Variants in EML4 observed in about 807,000 individuals in gnomAD.
The protein encoded by EML4 is EMAP like 4.
In EML4, 72 loss-of-function variants were observed where a neutral mutation model predicts 129.0. The observed-to-expected ratio is 0.56, with a 90% CI of 0.46 to 0.68. EML4 has a LOEUF of 0.68. EML4 is among the 30% of genes least tolerant of loss of function. The pLI is 0.00. For missense variants in EML4, 1,363 were observed against 1,190.6 expected (o/e 1.14, Z -2.13); for synonymous variants, 532 against 405.0 (o/e 1.31, Z -3.77).
At chr2:42,241,354 T>C (rs997022393) in intron 1 of EML4, among the ~76,000 whole-genome samples, 1 of 152,190 alleles carries the variant, frequency 6.6e-6, no homozygotes, top group African/African-American at 2.4e-5. Context: ...TTGCCATTGC[T>C]TGTTGCCTTG....
chr2:42,193,732 C>T (rs1227927893), intron 1 of EML4, among the ~76,000 whole-genome samples: 1 of 151,260 alleles, frequency 6.6e-6, no homozygotes, highest in Non-Finnish European at 1.5e-5. Flanking sequence ...GTCACCTAGG[C>T]TGTTGTGCAG....
intron 8 of EML4, 106 bp from the exon 9 acceptor site, chr2:42,284,519 ATAAACGTAT>A: frequency 1.7e-6 from 1 of 579,410 alleles, no homozygotes; most frequent in Non-Finnish European, 2.9e-6. Flanking sequence ...AAGAAAACAG[ATAAACGTAT>A]GTTTTTTAAC....
intron 21 of EML4, among the ~76,000 whole-genome samples, chr2:42,327,639 T>C (rs1318714155): frequency 6.6e-6 from 1 of 152,214 alleles, no homozygotes; most frequent in Non-Finnish European, 1.5e-5. Flanking sequence ...TTTCTGGAAA[T>C]CCGACCTCTA....
At chr2:42,219,060 A>C (rs770818017) in intron 1 of EML4, among the ~76,000 whole-genome samples, 2 of 152,362 alleles carry the variant, frequency 1.3e-5, no homozygotes, top group East Asian at 3.9e-4. Flanking sequence ...TTGTTTCATC[A>C]GTGACATCAT....
intron 1 of EML4, among the ~76,000 whole-genome samples, chr2:42,241,593 C>G (rs574041783): frequency 1.2e-4 from 19 of 152,306 alleles, no homozygotes; most frequent in African/African-American, 4.1e-4. Context: ...TCTATTTTCA[C>G]ACAGCGACCA....
At chr2:42,195,054 A>C (rs960953231) in intron 1 of EML4, among the ~76,000 whole-genome samples, 2 of 152,192 alleles carry the variant, frequency 1.3e-5, no homozygotes, top group Non-Finnish European at 2.9e-5. Flanking sequence ...AAGTAGTTGC[A>C]TGGTTAGCTA....
intron 1 of EML4, among the ~76,000 whole-genome samples, chr2:42,183,652 GTTTATA>G (rs1462665950): frequency 4.0e-5 from 6 of 151,484 alleles, no homozygotes; most frequent in African/African-American, 1.2e-4. Flanking sequence ...TTTTTAAATC[GTTTATA>G]TTTAAGGTAT....
chr2:42,295,714 C>T (rs1197141914), intron 13 of EML4, among the ~76,000 whole-genome samples, 198 bp downstream of exon 13: 1 of 151,912 alleles, frequency 6.6e-6, no homozygotes, highest in African/African-American at 2.4e-5. Flanking sequence ...CTTATATAAC[C>T]CACATTTGAC....
In EML4 at chr2:42,216,230, C is replaced by CTTTTTTTT. The variant is rs61417977; in HGVS notation, c.26-29252_26-29245dup. Among the ~76,000 whole-genome samples the CTTTTTTTT allele has an allele frequency of 8.3e-4, 36 of 43,380 alleles. 3 individuals carry two copies. The highest frequency in any genetic ancestry group is 4.2e-3 in the African/African-American group (33 of 7,862). The allele number at this position is 43,380 out of a possible 152,430, so 28.5% of individuals were successfully genotyped here. A position where few individuals can be genotyped will look rare whatever the true frequency, so the allele number is the denominator to read the frequency against. On this transcript the variant is annotated intron_variant, in intron 1 of 22. Coordinates refer to ENST00000318522, the MANE Select transcript of EML4 (RefSeq NM_019063.5). ...ATGAGCTACCACACCCGGCCCACTT[C>CTTTTTTTT]TTTTTTTTTTTTTTTTTTTTTTTTT...
intron 5 of EML4, 26 bp from the exon 6 acceptor site, chr2:42,264,680 A>G (rs767104545): frequency 7.7e-7 from 1 of 1,293,556 alleles, no homozygotes; most frequent in East Asian, 2.3e-5. Context: ...TATAAAATAA[A>G]TGTGTTTCTT....
chr2:42,250,600 G>C (rs997010044), intron 2 of EML4, among the ~76,000 whole-genome samples: 2 of 152,044 alleles, frequency 1.3e-5, no homozygotes, highest in African/African-American at 4.8e-5. Context: ...CCTTGTTTGA[G>C]CATTATAGGG....
At chr2:42,211,689 A>G (rs1371772808) in intron 1 of EML4, among the ~76,000 whole-genome samples, 1 of 152,092 alleles carries the variant, frequency 6.6e-6, no homozygotes, top group Non-Finnish European at 1.5e-5. Flanking sequence ...GTGACATTTA[A>G]GTTGGGTAAC....
At chr2:42,194,665 C>A (rs1671796763) in intron 1 of EML4, among the ~76,000 whole-genome samples, 1 of 151,984 alleles carries the variant, frequency 6.6e-6, no homozygotes, top group African/African-American at 2.4e-5. Context: ...TGTGTACCAC[C>A]ATGTCTAGCT....
At chr2:42,313,671 T>G (rs1239582766) in intron 17 of EML4, among the ~76,000 whole-genome samples, 2 of 152,226 alleles carry the variant, frequency 1.3e-5, no homozygotes, top group African/African-American at 2.4e-5. Flanking sequence ...CTCATGCCTG[T>G]AATCCCAGCA....
intron 6 of EML4, among the ~76,000 whole-genome samples, chr2:42,266,622 G>C (rs1036262685): frequency 6.6e-6 from 1 of 151,850 alleles, no homozygotes; most frequent in Non-Finnish European, 1.5e-5. Flanking sequence ...GGGATTACAG[G>C]CGTGAGCCAC....
intron 1 of EML4, among the ~76,000 whole-genome samples, chr2:42,240,862 C>T (rs913739053): frequency 3.9e-5 from 6 of 152,066 alleles, no homozygotes; most frequent in East Asian, 1.9e-4. Context: ...AACAGATGGC[C>T]GGGCGTGGTG....
chr2:42,258,259 C>T (rs562440013), intron 3 of EML4, among the ~76,000 whole-genome samples: 49 of 152,184 alleles, frequency 3.2e-4, no homozygotes, highest in African/African-American at 1.0e-3. Context: ...GTTGAAGAAT[C>T]GCAAGGAAGA....
chr2:42,221,973 C>T (rs988415018), intron 1 of EML4, among the ~76,000 whole-genome samples: 1 of 151,934 alleles, frequency 6.6e-6, no homozygotes, highest in African/African-American at 2.4e-5. Flanking sequence ...TGGGCTCAAG[C>T]GATTTGCCTG....
Position 42,211,706 on chromosome 2 carries a change from C to T in EML4, c.26-33799C>T, listed in dbSNP as rs1056492653. On this transcript the variant is annotated intron_variant, in intron 1 of 22. Coordinates refer to ENST00000318522, the MANE Select transcript of EML4 (RefSeq NM_019063.5). ...GACATTTAAGTTGGGTAACTTTGTT[C>T]CTGTTACTGCATCGTGTGTTGCCAA... Among the ~76,000 whole-genome samples the T allele has an allele frequency of 5.3e-5, 8 of 151,822 alleles. No homozygotes were observed. The East Asian group carries it at 7.8e-4, about 15-fold the overall frequency.
Sources: allele counts gnomAD v4.1 joint callset (sites outside exome capture counted in the v4.1 genomes callset), GRCh38; gene constraint gnomAD v4.1.1; transcripts MANE v1.5; gene names NCBI Gene and HGNC (gene_info 2026-07-23, HGNC 2026-07-21).